TBC1D4: variants seen among roughly 807,000 people sequenced by gnomAD.
TBC1D4 encodes TBC (Tre-2, BUB2, CDC16) domain-containing protein.
Under a neutral mutation model 142.5 loss-of-function variants are expected in TBC1D4, and 121 were observed. That is an observed-to-expected ratio of 0.85 (90% confidence interval 0.73 to 0.99). TBC1D4 has a LOEUF of 0.99. TBC1D4 is among the 50% of genes least tolerant of loss of function. The pLI is 0.00. For synonymous variants in TBC1D4, 630 were observed against 628.2 expected (o/e 1.00, Z -0.04); for missense variants, 1,475 against 1,606.6 (o/e 0.92, Z 1.40).
intron 1 of TBC1D4, among the ~76,000 whole-genome samples, chr13:75,420,239 G>A (rs556924196): frequency 2.6e-5 from 4 of 152,136 alleles, no homozygotes; most frequent in Non-Finnish European, 5.9e-5. Flanking sequence ...ATGGACAAAG[G>A]ACATCTCTTA....
intron 1 of TBC1D4, among the ~76,000 whole-genome samples, chr13:75,422,951 C>T (rs1266759989): frequency 1.3e-5 from 2 of 152,082 alleles, no homozygotes; most frequent in Non-Finnish European, 2.9e-5. Flanking sequence ...TTTAATTGAA[C>T]TTACAGTTTT....
At chr13:75,405,599 CA>C (rs1338682698) in intron 1 of TBC1D4, among the ~76,000 whole-genome samples, 2 of 152,092 alleles carry the variant, frequency 1.3e-5, no homozygotes, top group African/African-American at 4.8e-5. Context: ...CTAGGGTATG[CA>C]TCAATCTATA....
rs764781167 is a variant in TBC1D4 at position 75,294,714 on chromosome 13, G to A, written c.3316+140C>T. The A allele has an allele frequency of 9.2e-4, 801 of 866,632 alleles. 1 individual carries two copies. The highest frequency in any genetic ancestry group is 1.2e-3 in the Non-Finnish European group (706 of 567,702). 53.7% of individuals were successfully genotyped at this position (866,632 alleles called of 1,614,324 possible). A position where few individuals can be genotyped will look rare whatever the true frequency, so the allele number is the denominator to read the frequency against. On this transcript the variant is annotated intron_variant, in intron 18 of 20. Coordinates refer to ENST00000377636, the MANE Select transcript of TBC1D4 (RefSeq NM_014832.5). The stretch of plus-strand genomic sequence containing the variant: ...TAAGTTACTGTCAGAACACAGCCAG[G>A]CACATTTATTAAATTCCATTAGCAA...
chr13:75,293,820 T>C (rs945391703), intron 18 of TBC1D4, among the ~76,000 whole-genome samples: 9 of 152,184 alleles, frequency 5.9e-5, no homozygotes, highest in Non-Finnish European at 1.2e-4. Context: ...TCAAAACAAA[T>C]TTCTCCAAAC....
chr13:75,359,734 T>C, intron 3 of TBC1D4, 35 bp downstream of exon 3: 1 of 1,474,040 alleles, frequency 6.8e-7, no homozygotes, highest in South Asian at 1.2e-5. Context: ...ACAAGATTGG[T>C]CTCTTCACAT....
intron 19 of TBC1D4, among the ~76,000 whole-genome samples, chr13:75,291,482 A>G (rs1377807267): frequency 1.3e-5 from 2 of 152,080 alleles, no homozygotes; most frequent in Non-Finnish European, 2.9e-5. Context: ...ACGCCTACCC[A>G]CACCTTTATA....
At chr13:75,369,475 G>T (rs1288904110) in intron 1 of TBC1D4, among the ~76,000 whole-genome samples, 3 of 148,290 alleles carry the variant, frequency 2.0e-5, no homozygotes, top group Non-Finnish European at 4.5e-5. Flanking sequence ...ATATAGCCTG[G>T]GTGACAGAGT....
rs1403943043 is a variant in TBC1D4, at chr13:75,286,081, G to A, written c.*711C>T. 6.6e-6 allele frequency: 1 copy of A among 152,638 alleles called. No individual in the cohort carries two copies. The highest frequency in any genetic ancestry group is 1.5e-5 in the Non-Finnish European group (1 of 68,054). The allele number at this position is 152,638 out of a possible 1,614,324, so 9.5% of individuals were successfully genotyped here. A position where few individuals can be genotyped will look rare whatever the true frequency, so the allele number is the denominator to read the frequency against. On this transcript the variant is annotated 3_prime_UTR_variant, in exon 21 of 21. Transcript: ENST00000377636. ...ATTCTCCTTTACCTTGAGCTGGGTA[G>A]ACTCAGCCACAATGTCCTACTGTCT...
chr13:75,462,114 G>C (rs1887994623), intron 1 of TBC1D4, among the ~76,000 whole-genome samples: 1 of 152,088 alleles, frequency 6.6e-6, no homozygotes, highest in Admixed American at 6.5e-5. Context: ...GGCTCTCACT[G>C]CCTAATCCAT....
intron 19 of TBC1D4, among the ~76,000 whole-genome samples, chr13:75,290,253 T>G (rs1875152602): frequency 6.6e-6 from 1 of 152,144 alleles, no homozygotes; most frequent in Admixed American, 6.6e-5. Context: ...TTGAGATTTA[T>G]AGTTACTTTT....
intron 1 of TBC1D4, among the ~76,000 whole-genome samples, chr13:75,377,469 C>T (rs1883580937): frequency 6.6e-6 from 1 of 151,978 alleles, no homozygotes; most frequent in Non-Finnish European, 1.5e-5. Flanking sequence ...TTCAAAATGG[C>T]CCTGAAAGTC....
intron 2 of TBC1D4, 43 bp from the exon 3 acceptor site, chr13:75,359,901 TCTAA>T: frequency 1.4e-6 from 2 of 1,460,910 alleles, no homozygotes; most frequent in Non-Finnish European, 1.9e-6. Context: ...TTCATAAGGA[TCTAA>T]CATCTTACTT....
chr13:75,319,895 C>T lies in TBC1D4; in HGVS notation c.2222+119G>A. ...TCCCTACTATATAGCCCTCAGAGCA[C>T]TCAGAAAGATGGCATGCATTCAGGA... On this transcript the variant is annotated intron_variant, in intron 12 of 20. Coordinates refer to ENST00000377636, the MANE Select transcript of TBC1D4 (RefSeq NM_014832.5). The T allele has an allele frequency of 2.9e-6, 3 of 1,029,132 alleles. No individual in the cohort carries two copies. In the South Asian group the frequency reaches 4.2e-5, roughly 14 times the overall value. 63.8% of individuals were successfully genotyped at this position (1,029,132 alleles called of 1,614,324 possible).
At chr13:75,438,435 T>C (rs1886891619) in intron 1 of TBC1D4, among the ~76,000 whole-genome samples, 2 of 152,014 alleles carry the variant, frequency 1.3e-5, no homozygotes, top group Non-Finnish European at 1.5e-5. Context: ...TGCCTAAGGA[T>C]AGAAAAAACA....
At chr13:75,384,013 T>C (rs1428711115) in intron 1 of TBC1D4, among the ~76,000 whole-genome samples, 1 of 152,136 alleles carries the variant, frequency 6.6e-6, no homozygotes, top group Non-Finnish European at 1.5e-5. Flanking sequence ...TTAGGAGATA[T>C]ACCTAATGTT....
intron 1 of TBC1D4, among the ~76,000 whole-genome samples, chr13:75,437,686 T>C (rs935329971): frequency 5.9e-5 from 9 of 152,024 alleles, no homozygotes; most frequent in African/African-American, 2.2e-4. Context: ...CACTAAGAAG[T>C]AGCTGATGTC....
chr13:75,476,845 G>T (rs952034513), intron 1 of TBC1D4, among the ~76,000 whole-genome samples: 15 of 152,278 alleles, frequency 9.9e-5, no homozygotes, highest in South Asian at 4.1e-4. Flanking sequence ...TTGAGGGTAG[G>T]GTCCAGTGGT....
chr13:75,382,024 A>G (rs1883883123), intron 1 of TBC1D4, among the ~76,000 whole-genome samples: 1 of 152,254 alleles, frequency 6.6e-6, no homozygotes, highest in African/African-American at 2.4e-5. Context: ...AGGCTGATTC[A>G]GTAAAAGGGA....
At chr13:75,302,811 G>A in intron 15 of TBC1D4, 1 of 236,156 alleles carries the variant, frequency 4.2e-6, no homozygotes, top group Admixed American at 5.2e-5. Context: ...AAGTTCACAT[G>A]GCTAGGAAGT....
Sources: allele counts gnomAD v4.1 joint callset (sites outside exome capture counted in the v4.1 genomes callset), GRCh38; gene constraint gnomAD v4.1.1; transcripts MANE v1.5; gene names NCBI Gene and HGNC (gene_info 2026-07-23, HGNC 2026-07-21).